The following THSD7A variants were observed in gnomAD, a reference collection of about 807,000 sequenced individuals.
THSD7A encodes thrombospondin type-1 domain-containing protein 7A.
In THSD7A, 96 loss-of-function variants were observed where a neutral mutation model predicts 231.3. That is an observed-to-expected ratio of 0.41 (90% CI 0.35 to 0.49). The LOEUF is 0.49. THSD7A is among the 20% of genes least tolerant of loss of function. The pLI, the probability that THSD7A is intolerant of heterozygous loss-of-function variation, is 0.05. For synonymous variants in THSD7A, 940 were observed against 743.3 expected (o/e 1.26, Z -4.30); for missense variants, 2,290 against 2,070.2 (o/e 1.11, Z -2.06).
chr7:11,558,142 A>G (rs1265815257), intron 4 of THSD7A, among the ~76,000 whole-genome samples: 1 of 152,140 alleles, frequency 6.6e-6, no homozygotes, highest in Non-Finnish European at 1.5e-5. Context: ...GGAGGCAAAA[A>G]GAAAACCAAG....
At chr7:11,515,922 G>A (rs1368414383) in intron 6 of THSD7A, among the ~76,000 whole-genome samples, 2 of 152,112 alleles carry the variant, frequency 1.3e-5, no homozygotes, top group African/African-American at 2.4e-5. Flanking sequence ...TCAGTTAAAA[G>A]CCTGTCAAAA....
intron 1 of THSD7A, among the ~76,000 whole-genome samples, chr7:11,770,208 A>T (rs1783178149): frequency 6.6e-6 from 1 of 152,164 alleles, no homozygotes; most frequent in East Asian, 1.9e-4. Flanking sequence ...TTAAAGATCT[A>T]TTTAATAAAT....
intron 1 of THSD7A, among the ~76,000 whole-genome samples, chr7:11,800,343 G>A (rs1784241015): frequency 6.6e-6 from 1 of 152,158 alleles, no homozygotes; most frequent in Non-Finnish European, 1.5e-5. Context: ...GAGGTCAGGA[G>A]TTTGAGACCA....
chr7:11,662,854 T>C (rs1388841302), intron 1 of THSD7A, among the ~76,000 whole-genome samples: 1 of 151,384 alleles, frequency 6.6e-6, no homozygotes, highest in Admixed American at 6.6e-5. Context: ...TATAAAAATA[T>C]TTATGGCATA....
At chr7:11,743,527 A>G (rs897582939) in intron 1 of THSD7A, among the ~76,000 whole-genome samples, 1 of 151,742 alleles carries the variant, frequency 6.6e-6, no homozygotes, top group African/African-American at 2.4e-5. Context: ...CTGGTTTCAG[A>G]TTTTCTTTTC....
intron 2 of THSD7A, among the ~76,000 whole-genome samples, chr7:11,630,223 A>G (rs1781605536): frequency 6.6e-6 from 1 of 152,194 alleles, no homozygotes; most frequent in Non-Finnish European, 1.5e-5. Flanking sequence ...GAACCAGGCA[A>G]AAAGAGATAA....
intron 2 of THSD7A, among the ~76,000 whole-genome samples, chr7:11,619,228 G>A (rs1405948023): frequency 6.6e-6 from 1 of 151,926 alleles, no homozygotes; most frequent in Non-Finnish European, 1.5e-5. Context: ...ATGTGATTTT[G>A]TATATCAATG....
intron 19 of THSD7A, among the ~76,000 whole-genome samples, chr7:11,408,944 G>C (rs1356019660): frequency 2.6e-5 from 4 of 152,088 alleles, no homozygotes; most frequent in African/African-American, 9.7e-5. Flanking sequence ...TTACATTTAA[G>C]GTAAATAATA....
chr7:11,603,709 T>A (rs1344359387), intron 2 of THSD7A, among the ~76,000 whole-genome samples: 1 of 151,278 alleles, frequency 6.6e-6, no homozygotes, highest in African/African-American at 2.4e-5. Flanking sequence ...TAAAAAAGGA[T>A]GAGTTCATGT....
At chr7:11,376,528 G>T in intron 27 of THSD7A, 42 bp downstream of exon 27, 2 of 1,430,796 alleles carry the variant, frequency 1.4e-6, no homozygotes, top group Non-Finnish European at 1.9e-6. Context: ...TCTGTGTTAC[G>T]ATTAAGTATC....
intron 1 of THSD7A, among the ~76,000 whole-genome samples, chr7:11,751,539 C>A (rs1054888585): frequency 6.6e-6 from 1 of 151,850 alleles, no homozygotes; most frequent in Non-Finnish European, 1.5e-5. Context: ...GAGTACAACG[C>A]AGAGTGTACC....
chr7:11,402,683 G>GA (rs2115359936), intron 22 of THSD7A, among the ~76,000 whole-genome samples: 1 of 152,212 alleles, frequency 6.6e-6, no homozygotes, highest in African/African-American at 2.4e-5. Flanking sequence ...ACATTCCCAG[G>GA]ATCTCAAAAC....
rs2354960 is a variant in THSD7A, at chr7:11,549,783, G to A, written c.1454-6666C>T. 1.7e-4 allele frequency among the ~76,000 whole-genome samples: 26 copies of A among 151,822 alleles called. 1 individual carries two copies. Among genetic ancestry groups the A allele is most frequent in the Non-Finnish European group, 5.9e-5 (4 of 67,934 alleles). On this transcript the variant is annotated intron_variant, in intron 4 of 27. Coordinates refer to ENST00000423059, the MANE Select transcript of THSD7A (RefSeq NM_015204.3). ...AGGGCCTGTTGGGGGAGTGTGGTTG[G>A]GGGGAGCATCAGGAAAAATATCTAA...
chr7:11,706,412 G>A (rs948567853), intron 1 of THSD7A, among the ~76,000 whole-genome samples: 4 of 150,808 alleles, frequency 2.7e-5, no homozygotes, highest in Non-Finnish European at 6.0e-5. Context: ...AAGAAACTCA[G>A]AAAGTAAAGA....
intron 1 of THSD7A, among the ~76,000 whole-genome samples, chr7:11,763,253 C>T (rs1205650716): frequency 6.6e-6 from 1 of 152,152 alleles, no homozygotes; most frequent in Non-Finnish European, 1.5e-5. Context: ...ATGCTGCTTC[C>T]TCCACCTGGG....
At chr7:11,545,675 C>A (rs1235996636) in intron 4 of THSD7A, among the ~76,000 whole-genome samples, 2 of 152,230 alleles carry the variant, frequency 1.3e-5, no homozygotes. Context: ...ATGGCCCACT[C>A]TTGCCATGGA....
intron 1 of THSD7A, among the ~76,000 whole-genome samples, chr7:11,790,684 GATTTT>G (rs150071392): frequency 0.024 from 3,655 of 151,882 alleles, 146 homozygotes; most frequent in African/African-American, 0.083. Context: ...TTTATGAAAT[GATTTT>G]ATTTGAGAAA....
intron 1 of THSD7A, among the ~76,000 whole-genome samples, chr7:11,717,633 GA>G (rs1339309962): frequency 2.0e-5 from 3 of 151,602 alleles, no homozygotes; most frequent in Non-Finnish European, 4.4e-5. Context: ...CCACTACTAG[GA>G]GAATATATCT....
rs142743055 is a variant in THSD7A, at chr7:11,823,684, T to A, written c.190+8073A>T. On this transcript the variant is annotated intron_variant, in intron 1 of 27. Transcript: ENST00000423059. The stretch of plus-strand genomic sequence containing the variant: ...GAGATTATACATGTCTTTAGTTAAA[T>A]TCATTTATAAGTATTTTATTTTTGC... 2.0e-3 allele frequency among the ~76,000 whole-genome samples: 302 copies of A among 152,232 alleles called. 3 individuals are homozygous for A. Among genetic ancestry groups the A allele is most frequent in the African/African-American group, 7.2e-3 (298 of 41,578 alleles).
Sources: allele counts gnomAD v4.1 joint callset (sites outside exome capture counted in the v4.1 genomes callset), GRCh38; gene constraint gnomAD v4.1.1; transcripts MANE v1.5; gene names NCBI Gene and HGNC (gene_info 2026-07-23, HGNC 2026-07-21).